Variants in CPB2 observed in about 807,000 individuals in gnomAD.
CPB2 encodes the protein carboxypeptidase B2, also known as carboxypeptidase B-like protein.
Under a neutral mutation model 57.0 loss-of-function variants are expected in CPB2, and 54 were observed. That is an observed-to-expected ratio of 0.95 (90% CI 0.76 to 1.19). The LOEUF (loss-of-function observed/expected upper bound fraction) is 1.19. Ranked by LOEUF, CPB2 falls within the 50% of genes most tolerant of loss-of-function variation. The pLI is 0.00. For synonymous variants in CPB2, 189 were observed against 178.1 expected (o/e 1.06, Z -0.49); for missense variants, 426 against 512.0 (o/e 0.83, Z 1.62).
intron 6 of CPB2, among the ~76,000 whole-genome samples, chr13:46,069,749 T>G (rs927945778): frequency 1.3e-5 from 2 of 152,220 alleles, no homozygotes; most frequent in Non-Finnish European, 2.9e-5. Context: ...CATAAGTTGA[T>G]GGAAATTTGA....
chr13:46,082,500 C>T lies in CPB2; in HGVS notation c.325G>A (p.Asp109Asn), dbSNP rs770303867. ...GCGGAGGCTCGGGGGCTGACTGTGT[C>T]GTTGGAAATCTGCTGTTGAATAAGA... The part of the protein sequence containing the change: ...EDLIQQQISN[D>N]TVSPRASASY... The change falls in exon 4 of 11, where the codon GAC becomes AAC. Residue 109 changes from aspartate to asparagine, a missense_variant. Coordinates refer to ENST00000181383, the MANE Select transcript of CPB2 (RefSeq NM_001872.5). 4.2e-5 allele frequency: 68 copies of T among 1,613,564 alleles called. No individual in the cohort carries two copies. The highest frequency in any genetic ancestry group is 2.6e-4 in the South Asian group (24 of 91,020).
chr13:46,074,069 T>A, intron 5 of CPB2, 92 bp from the exon 6 acceptor site: 2 of 638,958 alleles, frequency 3.1e-6, no homozygotes, highest in Non-Finnish European at 5.1e-6. Context: ...TTTAATAGTT[T>A]CAGCAAATCT....
In CPB2 at chr13:46,059,926, C is replaced by T. The variant is rs944562652; in HGVS notation, c.797-1545G>A. Among the ~76,000 whole-genome samples the T allele has an allele frequency of 3.3e-5, 5 of 152,124 alleles. No homozygotes were observed. In the South Asian group the frequency reaches 1.0e-3, roughly 31 times the overall value. ...GTCTTCCCAAGTATTTCATTTTTAA[C>T]CAATAAGGTGATTGGATAAACCATT... On this transcript the variant is annotated intron_variant, in intron 8 of 10. Coordinates refer to ENST00000181383, the MANE Select transcript of CPB2 (RefSeq NM_001872.5).
intron 9 of CPB2, among the ~76,000 whole-genome samples, chr13:46,057,456 C>G (rs1462311942): frequency 6.6e-6 from 1 of 152,170 alleles, no homozygotes; most frequent in African/African-American, 2.4e-5. Context: ...AAATTAGTCC[C>G]TTCCCAAGAA....
At chr13:46,055,675 G>GA (rs1225365568) in intron 10 of CPB2, 87 bp downstream of exon 10, 1 of 734,904 alleles carries the variant, frequency 1.4e-6, no homozygotes, top group African/African-American at 1.8e-5. Flanking sequence ...ATTTAATTCA[G>GA]AAAAATTAAA....
In CPB2 at chr13:46,055,879, T is replaced by A. The variant is rs372118909; in HGVS notation, c.1000-30A>T. On this transcript the variant is annotated intron_variant, in intron 9 of 10. Transcript: ENST00000181383. Reference sequence around the variant, plus strand: ...AAGCAACAAGATATAGAATTTCAGTTAATGTGCAGCTTTGAAACATGACAA... The same window carrying A: ...AAGCAACAAGATATAGAATTTCAGTAAATGTGCAGCTTTGAAACATGACAA... The A allele has an allele frequency of 9.3e-6, 12 of 1,288,402 alleles. No individual in the cohort carries two copies. In the African/African-American group the frequency reaches 1.6e-4, roughly 18 times the overall value. 79.8% of individuals were successfully genotyped at this position (1,288,402 alleles called of 1,614,324 possible). A position where few individuals can be genotyped will look rare whatever the true frequency, so the allele number is the denominator to read the frequency against.
In CPB2 at chr13:46,067,305, A is replaced by G. The variant is rs1379435847; in HGVS notation, c.702+2T>C. ...ATTTGTCTTCTTTGCCTTTTCTCCT[A>G]CCTTTTTCCATGAGTAGTCATAACC... is the stretch of plus-strand genomic sequence containing the variant. On this transcript the variant is annotated splice_donor_variant, in intron 7 of 10. Transcript: ENST00000181383. LOFTEE classifies it high-confidence loss of function. 3.5e-6 allele frequency: 5 copies of G among 1,426,598 alleles called. No individual in the cohort carries two copies. The highest frequency in any genetic ancestry group is 4.0e-6 in the Non-Finnish European group (4 of 1,011,480). The allele number at this position is 1,426,598 out of a possible 1,614,324, so 88.4% of individuals were successfully genotyped here.
rs1352085268 is a variant in CPB2, at chr13:46,053,717, C to T, written c.1169G>A (p.Gly390Asp). 3.7e-6 allele frequency: 6 copies of T among 1,613,984 alleles called. No homozygotes were observed. In the African/African-American group the frequency reaches 8.0e-5, roughly 22 times the overall value. ...CTCCGGCAGCAAGAATCCGTATGTG[C>T]CCGTATCTCGAAGTTCAATTGTAAA... ...YSFTIELRDT[G>D]TYGFLLPERY... The change falls in exon 11 of 11, where the codon GGC (glycine) becomes GAC (aspartate). Residue 390 changes from glycine (G) to aspartate (D), a missense_variant. Physicochemically the swap from Gly to Asp is moderately conservative, Grantham distance 94. Coordinates refer to ENST00000181383, the MANE Select transcript of CPB2 (RefSeq NM_001872.5).
chr13:46,091,014 G>A (rs1395893690), intron 1 of CPB2, among the ~76,000 whole-genome samples: 2 of 152,210 alleles, frequency 1.3e-5, no homozygotes, highest in Admixed American at 6.5e-5. Context: ...GTGAGCCACC[G>A]TGCCCGGCTG....
At chr13:46,056,821 G>GT (rs973980819) in intron 9 of CPB2, among the ~76,000 whole-genome samples, 3 of 152,206 alleles carry the variant, frequency 2.0e-5, no homozygotes, top group South Asian at 2.1e-4. Context: ...ATTATTTGTA[G>GT]TTTTTCCCCC....
At chr13:46,090,002 A>G (rs998940360) in intron 1 of CPB2, among the ~76,000 whole-genome samples, 2 of 152,194 alleles carry the variant, frequency 1.3e-5, no homozygotes, top group Non-Finnish European at 2.9e-5. Context: ...TACCCTTGCT[A>G]ATATAATGTG....
At chr13:46,074,156 A>G (rs2044986119) in intron 5 of CPB2, among the ~76,000 whole-genome samples, 179 bp from the exon 6 acceptor site, 1 of 152,222 alleles carries the variant, frequency 6.6e-6, no homozygotes, top group Admixed American at 6.5e-5. Flanking sequence ...AAGTGACATT[A>G]GTTAAGGTAG....
Position 46,079,535 on chromosome 13 carries a change from CAAA to C in CPB2, c.385-637_385-635del, listed in dbSNP as rs58164990. ...TCAAGATAATAGGGGAAGGAAAAAG[CAAA>C]AAAAAAAAAAAAAAAAAGAAAAGAA... On this transcript the variant is annotated intron_variant, in intron 4 of 10. Coordinates refer to ENST00000181383, the MANE Select transcript of CPB2 (RefSeq NM_001872.5). 1.2e-3 allele frequency among the ~76,000 whole-genome samples: 130 copies of C among 110,978 alleles called. 1 individual carries two copies. Among genetic ancestry groups the C allele is most frequent in the Admixed American group, 3.1e-3 (31 of 9,888 alleles). 72.8% of individuals were successfully genotyped at this position (110,978 alleles called of 152,430 possible). A position where few individuals can be genotyped will look rare whatever the true frequency, so the allele number is the denominator to read the frequency against.
chr13:46,082,577 G>GT, intron 3 of CPB2, 28 bp from the exon 4 acceptor site: 2 of 1,493,578 alleles, frequency 1.3e-6, no homozygotes, highest in Non-Finnish European at 1.9e-6. Context: ...GAGTGAGCTA[G>GT]TTTCCAAGCA....
chr13:46,093,004 C>G (rs184239728), intron 1 of CPB2, among the ~76,000 whole-genome samples: 102 of 152,298 alleles, frequency 6.7e-4, no homozygotes, highest in African/African-American at 2.4e-3. Context: ...CCTCCACCTT[C>G]TGGGTTCAAG....
intron 4 of CPB2, among the ~76,000 whole-genome samples, chr13:46,079,551 A>AAAAAAAAAAAAAAAAAAAAG (rs2045078862): frequency 8.0e-6 from 1 of 124,700 alleles, no homozygotes; most frequent in Non-Finnish European, 1.6e-5. Context: ...AAAAAAAAAA[A>AAAAAAAAAAAAAAAAAAAAG]AAAAGAAAAG....
At chr13:46,059,333 A>G (rs936846016) in intron 8 of CPB2, among the ~76,000 whole-genome samples, 3 of 152,224 alleles carry the variant, frequency 2.0e-5, no homozygotes, top group Admixed American at 6.5e-5. Flanking sequence ...ACTCTTCAGA[A>G]TAAGAGGCTA....
At position 46,082,541 on chromosome 13, in the gene CPB2, A is replaced by G. The variant is rs148585456; in HGVS notation, c.284T>C (p.Leu95Pro). Residue 95 changes from leucine (L) to proline (P), a missense_variant, in exon 4 of 11, where the codon CTG becomes CCG. Coordinates refer to ENST00000181383, the MANE Select transcript of CPB2 (RefSeq NM_001872.5). Reference protein sequence around the residue: ...NVSGIPCSVLLADVEDLIQQQ... With the variant: ...NVSGIPCSVLPADVEDLIQQQ... Reference sequence around the variant, plus strand: ...TTGAATAAGATCTTCCACATCTGCCAGCAAGACACTAGGTGATGAAACAGA... The same window carrying G: ...TTGAATAAGATCTTCCACATCTGCCGGCAAGACACTAGGTGATGAAACAGA... 2 of 1,609,914 alleles carry G rather than the reference A, an allele frequency of 1.2e-6. No individual in the cohort carries two copies. The highest frequency in any genetic ancestry group is 1.7e-6 in the Non-Finnish European group (2 of 1,176,436).
intron 2 of CPB2, among the ~76,000 whole-genome samples, chr13:46,084,599 TTGA>T (rs1254197641): frequency 2.0e-5 from 3 of 152,124 alleles, no homozygotes; most frequent in Admixed American, 2.0e-4. Context: ...CCATAAATAT[TTGA>T]TGAGACAATG....
Sources: allele counts gnomAD v4.1 joint callset (sites outside exome capture counted in the v4.1 genomes callset), GRCh38; gene constraint gnomAD v4.1.1; transcripts MANE v1.5; gene names NCBI Gene and HGNC (gene_info 2026-07-23, HGNC 2026-07-21).